Variants in LRRC4C observed in about 807,000 individuals in gnomAD.
The protein encoded by LRRC4C is leucine rich repeat containing 4C, also known as leucine-rich repeat-containing protein 4C.
A neutral mutation model predicts 33.6 loss-of-function variants in LRRC4C; 5 were observed. The ratio of observed to expected loss-of-function variants is 0.15; its 90% CI spans 0.08 to 0.31. The LOEUF (loss-of-function observed/expected upper bound fraction) is 0.31. Ranked by LOEUF, LRRC4C falls within the 10% of genes least tolerant of loss-of-function variation. The pLI is 1.00. For synonymous variants in LRRC4C, 329 were observed against 302.0 expected, an observed-to-expected ratio of 1.09 and a Z score of -0.93; for missense variants, 560 against 796.7, an observed-to-expected ratio of 0.70 and a Z score of 3.58.
intron 2 of LRRC4C, among the ~76,000 whole-genome samples, chr11:40,818,898 C>T (rs1169835411): frequency 1.3e-5 from 2 of 152,042 alleles, no homozygotes; most frequent in Non-Finnish European, 2.9e-5. Flanking sequence ...TCTTACTCTA[C>T]ACAAATAAAC....
chr11:40,637,153 A>ATACCATCTTCTTTTTTT (rs1254056474), intron 3 of LRRC4C, among the ~76,000 whole-genome samples: 1 of 152,230 alleles, frequency 6.6e-6, no homozygotes, highest in Non-Finnish European at 1.5e-5. Flanking sequence ...ACCAAGTTTT[A>ATACCATCTTCTTTTTTT]TACCATCTTC....
intron 1 of LRRC4C, among the ~76,000 whole-genome samples, chr11:41,351,361 T>A (rs1180417965): frequency 1.3e-5 from 2 of 152,100 alleles, no homozygotes; most frequent in Admixed American, 6.5e-5. Flanking sequence ...ACCAAACCTA[T>A]CACTCATTGG....
At chr11:40,633,484 G>T (rs1164192018) in intron 3 of LRRC4C, among the ~76,000 whole-genome samples, 1 of 150,726 alleles carries the variant, frequency 6.6e-6, no homozygotes, top group East Asian at 1.9e-4. Context: ...CTCCTCCTAG[G>T]TTCAAGTGAT....
intron 2 of LRRC4C, among the ~76,000 whole-genome samples, chr11:40,917,491 A>G (rs1005474051): frequency 1.3e-5 from 2 of 152,152 alleles, no homozygotes; most frequent in Non-Finnish European, 2.9e-5. Flanking sequence ...AACTTATAAA[A>G]GAACCTAGGG....
At chr11:40,844,258 T>TA (rs886336352) in intron 2 of LRRC4C, among the ~76,000 whole-genome samples, 4 of 151,308 alleles carry the variant, frequency 2.6e-5, no homozygotes, top group Admixed American at 6.6e-5. Flanking sequence ...AAATACAAAA[T>TA]AAAAAAAATA....
At chr11:41,045,604 T>C (rs902435125) in intron 1 of LRRC4C, among the ~76,000 whole-genome samples, 1 of 152,138 alleles carries the variant, frequency 6.6e-6, no homozygotes, top group East Asian at 1.9e-4. Flanking sequence ...AGGTCCGTGA[T>C]GAATTCACAT....
intron 1 of LRRC4C, among the ~76,000 whole-genome samples, chr11:41,325,570 T>TG (rs1565582752): frequency 1.6e-5 from 1 of 63,204 alleles, no homozygotes; most frequent in African/African-American, 4.2e-5. Context: ...CTTATAGTTT[T>TG]TTTTTTTTGT....
intron 2 of LRRC4C, among the ~76,000 whole-genome samples, chr11:40,699,351 C>T (rs1945747949): frequency 6.6e-6 from 1 of 152,040 alleles, no homozygotes; most frequent in South Asian, 2.1e-4. Flanking sequence ...CAGCTCAGCA[C>T]AAAAAATCCC....
intron 3 of LRRC4C, among the ~76,000 whole-genome samples, chr11:40,605,847 T>A (rs751981908): frequency 2.0e-5 from 3 of 152,182 alleles, no homozygotes; most frequent in Non-Finnish European, 1.5e-5. Flanking sequence ...AACTCCCAGA[T>A]GCTTTCATGG....
At chr11:41,001,106 G>A (rs942464969) in intron 1 of LRRC4C, among the ~76,000 whole-genome samples, 1 of 151,952 alleles carries the variant, frequency 6.6e-6, no homozygotes, top group African/African-American at 2.4e-5. Context: ...CAAAGGAGGT[G>A]CCCAATTAAT....
At chr11:40,627,409 G>T (rs1333651781) in intron 3 of LRRC4C, among the ~76,000 whole-genome samples, 2 of 152,116 alleles carry the variant, frequency 1.3e-5, no homozygotes, top group Non-Finnish European at 2.9e-5. Context: ...TCTTTAGTAT[G>T]CATTTATCAA....
chr11:41,050,286 T>A (rs1858105041), intron 1 of LRRC4C, among the ~76,000 whole-genome samples: 1 of 152,158 alleles, frequency 6.6e-6, no homozygotes, highest in South Asian at 2.1e-4. Flanking sequence ...ACAGGTACAA[T>A]GAAGTCCAAT....
intron 5 of LRRC4C, among the ~76,000 whole-genome samples, chr11:40,184,806 G>C (rs1861280677): frequency 6.6e-6 from 1 of 152,180 alleles, no homozygotes; most frequent in African/African-American, 2.4e-5. Flanking sequence ...TCTTGAATTA[G>C]AATAAAGAGA....
At chr11:41,327,735 C>T (rs1466664851) in intron 1 of LRRC4C, among the ~76,000 whole-genome samples, 1 of 152,060 alleles carries the variant, frequency 6.6e-6, no homozygotes, top group Admixed American at 6.6e-5. Context: ...AGGTTTGTCT[C>T]GTGCTGTTCT....
intron 3 of LRRC4C, among the ~76,000 whole-genome samples, chr11:40,324,759 A>G (rs2136886423): frequency 6.6e-6 from 1 of 152,344 alleles, no homozygotes; most frequent in African/African-American, 2.4e-5. Flanking sequence ...TTATGGAGAA[A>G]TAAACAGGGT....
intron 1 of LRRC4C, among the ~76,000 whole-genome samples, chr11:41,331,988 A>G (rs1163512074): frequency 1.3e-5 from 2 of 152,192 alleles, no homozygotes; most frequent in Non-Finnish European, 2.9e-5. Context: ...TATTGTTCAA[A>G]GTACATATTA....
chr11:40,942,677 TG>T (rs1247678236), intron 1 of LRRC4C, among the ~76,000 whole-genome samples: 1 of 152,132 alleles, frequency 6.6e-6, no homozygotes, highest in Admixed American at 6.6e-5. Flanking sequence ...GTAGATAATG[TG>T]GGATTATTGA....
chr11:40,263,274 T>A (rs1398083497), intron 4 of LRRC4C, among the ~76,000 whole-genome samples: 1 of 152,114 alleles, frequency 6.6e-6, no homozygotes, highest in African/African-American at 2.4e-5. Context: ...CCAGTGATTT[T>A]CAACAACAGT....
At chr11:40,293,547 G>A (rs1299018390) in intron 4 of LRRC4C, 1 of 151,746 alleles carries the variant, frequency 6.6e-6, no homozygotes, top group Admixed American at 6.6e-5. Flanking sequence ...TTCAAATGGG[G>A]AGGGCGAAGT....
Sources: allele counts gnomAD v4.1 joint callset (sites outside exome capture counted in the v4.1 genomes callset), GRCh38; gene constraint gnomAD v4.1.1; transcripts MANE v1.5; gene names NCBI Gene and HGNC (gene_info 2026-07-23, HGNC 2026-07-21).